The following RYR3 variants were observed in gnomAD, a reference collection of about 807,000 sequenced individuals.
The protein encoded by RYR3 is ryanodine receptor 3.
RYR3 carries 207 observed loss-of-function variants against 584.3 expected under a neutral mutation model. The ratio of observed to expected loss-of-function variants is 0.35; its 90% CI spans 0.32 to 0.40. The LOEUF is 0.40. RYR3 is among the 10% of genes least tolerant of loss of function. The probability of loss-of-function intolerance (pLI) is 1.00; values close to 1 mark genes in which losing one functional copy is unlikely to be tolerated. For missense variants in RYR3, 5,616 were observed against 6,089.2 expected (o/e 0.92, Z 2.59); for synonymous variants, 2,416 against 2,248.5 (o/e 1.07, Z -2.11).
rs1967383646 is a variant in RYR3, at chr15:33,311,970, T to C, written c.51+874T>C. Among the ~76,000 whole-genome samples, 1 of 152,244 alleles carries C rather than the reference T, an allele frequency of 6.6e-6. No homozygotes were observed. Among genetic ancestry groups the C allele is most frequent in the African/African-American group, 2.4e-5 (1 of 41,470 alleles). On this transcript the variant is annotated intron_variant, in intron 1 of 103. Coordinates refer to ENST00000634891, the MANE Select transcript of RYR3 (RefSeq NM_001036.6). This position sits in a 1 kb window ranked among gnomAD's most constrained non-coding sequence, Gnocchi z 4.4. ...GGGTGGGGGCATTGGGGATGCATCCTAGCGCTGACTTCAGCCAAGTGACCT... is the reference window on the plus strand; with the variant it reads ...GGGTGGGGGCATTGGGGATGCATCCCAGCGCTGACTTCAGCCAAGTGACCT...
chr15:33,566,189 A>C (rs2057705424), intron 11 of RYR3, among the ~76,000 whole-genome samples: 1 of 152,226 alleles, frequency 6.6e-6, no homozygotes, highest in African/African-American at 2.4e-5. Flanking sequence ...TGCTTTCCCC[A>C]GCCCTGCAAT....
At chr15:33,501,722 A>G (rs2052007130) in intron 2 of RYR3, among the ~76,000 whole-genome samples, 1 of 152,200 alleles carries the variant, frequency 6.6e-6, no homozygotes, top group African/African-American at 2.4e-5. Flanking sequence ...TGTTTATGGT[A>G]TAAGGTCTTA....
At chr15:33,413,681 G>C (rs2141515162) in intron 1 of RYR3, among the ~76,000 whole-genome samples, 1 of 152,312 alleles carries the variant, frequency 6.6e-6, no homozygotes, top group East Asian at 1.9e-4. Context: ...CCCAGTGCCT[G>C]GTGCCCCCAT....
chr15:33,819,979 C>T (rs934965529), intron 77 of RYR3, among the ~76,000 whole-genome samples, 172 bp downstream of exon 77: 10 of 152,154 alleles, frequency 6.6e-5, no homozygotes, highest in Non-Finnish European at 7.3e-5. Flanking sequence ...ACCAATTCAC[C>T]GTCTTCCTAA....
At chr15:33,313,395 G>A (rs143102277) in intron 1 of RYR3, among the ~76,000 whole-genome samples, 130 of 152,292 alleles carry the variant, frequency 8.5e-4, no homozygotes, top group African/African-American at 3.1e-3. Context: ...AACATAAGAG[G>A]AGTACTGCAG....
intron 98 of RYR3, 121 bp from the exon 99 acceptor site, chr15:33,857,659 T>TC: frequency 1.6e-6 from 2 of 1,252,040 alleles, no homozygotes; most frequent in Admixed American, 2.1e-5. Context: ...CTCCACCCCT[T>TC]CCCCATTTCC....
intron 1 of RYR3, among the ~76,000 whole-genome samples, chr15:33,360,174 T>G (rs1974562775): frequency 6.6e-6 from 1 of 152,124 alleles, no homozygotes; most frequent in Admixed American, 6.6e-5. Flanking sequence ...GCAAAAATAG[T>G]GCCCATTCAA....
At chr15:33,457,840 C>T (rs537800684) in intron 1 of RYR3, among the ~76,000 whole-genome samples, 1 of 152,136 alleles carries the variant, frequency 6.6e-6, no homozygotes, top group Non-Finnish European at 1.5e-5. Flanking sequence ...CACAAACTTG[C>T]AATTATGTGT....
chr15:33,488,511 G>C (rs1210116048), intron 2 of RYR3, among the ~76,000 whole-genome samples: 1 of 148,164 alleles, frequency 6.7e-6, no homozygotes, highest in Non-Finnish European at 1.5e-5. Context: ...TTACATGGAA[G>C]AAGAAATAAA....
At chr15:33,788,970 G>A (rs533769382) in intron 67 of RYR3, among the ~76,000 whole-genome samples, 30 of 152,252 alleles carry the variant, frequency 2.0e-4, no homozygotes, top group African/African-American at 7.2e-4. Context: ...AGGGTGGGGT[G>A]GAGTTGTGTT....
Position 33,820,736 on chromosome 15 carries a change from C to G in RYR3, c.10759-20C>G, listed in dbSNP as rs753120533. On this transcript the variant is annotated intron_variant, in intron 77 of 103. Coordinates refer to ENST00000634891, the MANE Select transcript of RYR3 (RefSeq NM_001036.6). ...AATTTGATTGTCTGTCTTCTCCCTT[C>G]CCTGCTCCATGAAATCCAGAGTTGT... 1 of 1,597,820 alleles carries G rather than the reference C, an allele frequency of 6.3e-7. No individual in the cohort carries two copies. The highest frequency in any genetic ancestry group is 8.5e-7 in the Non-Finnish European group (1 of 1,170,694).
chr15:33,503,499 A>G (rs991127795), intron 2 of RYR3, 132 bp from the exon 3 acceptor site: 2 of 619,950 alleles, frequency 3.2e-6, no homozygotes, highest in South Asian at 2.0e-5. Context: ...GGAGAAAGCC[A>G]CCTTTTTGCA....
At chr15:33,421,119 C>G (rs1395604685) in intron 1 of RYR3, among the ~76,000 whole-genome samples, 1 of 152,064 alleles carries the variant, frequency 6.6e-6, no homozygotes, top group Non-Finnish European at 1.5e-5. Flanking sequence ...TAGTAAAGGC[C>G]TGGAACTAAG....
At chr15:33,693,891 C>A (rs2065633143) in intron 38 of RYR3, among the ~76,000 whole-genome samples, 1 of 152,168 alleles carries the variant, frequency 6.6e-6, no homozygotes, top group East Asian at 1.9e-4. Context: ...GATGTTAGGG[C>A]ACTAGTACAC....
Position 33,835,752 on chromosome 15 carries a change from C to A in RYR3, c.11568+680C>A, listed in dbSNP as rs2078002506. ...TTCTGGAATGTGCTATTTAACCTTT[C>A]ATTTTTCCCCTTTTGACTCTGGCCT... is the stretch of plus-strand genomic sequence containing the variant. On this transcript the variant is annotated intron_variant, in intron 87 of 103. Coordinates refer to ENST00000634891, the MANE Select transcript of RYR3 (RefSeq NM_001036.6). Among the ~76,000 whole-genome samples the A allele has an allele frequency of 2.0e-5, 3 of 152,334 alleles. No homozygotes were observed. In the South Asian group the frequency reaches 6.2e-4, roughly 32 times the overall value.
chr15:33,843,636 A>T, intron 92 of RYR3, 62 bp downstream of exon 92: 1 of 1,105,742 alleles, frequency 9.0e-7, no homozygotes, highest in Non-Finnish European at 1.3e-6. Context: ...CTATGTGTAG[A>T]AAAAGAATCA....
At chr15:33,543,235 G>A (rs2055966385) in intron 7 of RYR3, among the ~76,000 whole-genome samples, 1 of 152,054 alleles carries the variant, frequency 6.6e-6, no homozygotes. Flanking sequence ...TTTTTACAAA[G>A]TGTACACAGT....
chr15:33,685,373 A>C (rs2064920327), intron 38 of RYR3, among the ~76,000 whole-genome samples: 1 of 152,060 alleles, frequency 6.6e-6, no homozygotes, highest in African/African-American at 2.4e-5. Flanking sequence ...TGGTAAAGGG[A>C]TCAATTCAAC....
chr15:33,577,542 T>C (rs1011662563), intron 12 of RYR3, among the ~76,000 whole-genome samples: 1 of 152,188 alleles, frequency 6.6e-6, no homozygotes, highest in East Asian at 1.9e-4. Context: ...TAATAAATGA[T>C]GCTGGGAGAA....
Sources: allele counts gnomAD v4.1 joint callset (sites outside exome capture counted in the v4.1 genomes callset), GRCh38; gene constraint gnomAD v4.1.1; non-coding constraint Gnocchi (gnomAD v3.1); transcripts MANE v1.5; gene names NCBI Gene and HGNC (gene_info 2026-07-23, HGNC 2026-07-21).